The following ARHGAP42 variants were observed in gnomAD, a reference collection of about 807,000 sequenced individuals.
ARHGAP42 encodes Rho GTPase activating protein 42, also known as rho GTPase-activating protein 42.
Under a neutral mutation model 125.0 loss-of-function variants are expected in ARHGAP42, and 63 were observed. The observed-to-expected ratio is 0.50, with a 90% CI of 0.41 to 0.62. The LOEUF is 0.62. Ranked by LOEUF, ARHGAP42 falls within the 20% of genes least tolerant of loss-of-function variation. The pLI is 0.00. For synonymous variants in ARHGAP42, 339 were observed against 351.0 expected (o/e 0.97, Z 0.38); for missense variants, 766 against 1,024.2 (o/e 0.75, Z 3.44).
intron 2 of ARHGAP42, among the ~76,000 whole-genome samples, chr11:100,788,890 C>CA (rs1863497214): frequency 6.6e-6 from 1 of 152,054 alleles, no homozygotes; most frequent in Admixed American, 6.6e-5. Context: ...TTTAAGTGTT[C>CA]AAAAAATTAA....
At chr11:100,933,049 T>A (rs558991300) in intron 6 of ARHGAP42, 107 bp from the exon 7 acceptor site, 29 of 726,752 alleles carry the variant, frequency 4.0e-5, no homozygotes, top group Non-Finnish European at 6.0e-5. Flanking sequence ...ATTGAAAATG[T>A]ATTAGTTTGA....
chr11:100,798,765 G>T (rs910941239), intron 3 of ARHGAP42, among the ~76,000 whole-genome samples: 1 of 152,112 alleles, frequency 6.6e-6, no homozygotes, highest in Non-Finnish European at 1.5e-5. Flanking sequence ...TATCTCTGAG[G>T]TATGCCTGGT....
chr11:100,775,694 T>G (rs1019807159), intron 2 of ARHGAP42, among the ~76,000 whole-genome samples: 14 of 152,228 alleles, frequency 9.2e-5, no homozygotes, highest in African/African-American at 3.4e-4. Context: ...AGCACATTAG[T>G]GTATAGGATA....
chr11:100,965,701 C>T lies in ARHGAP42; in HGVS notation c.1475C>T (p.Ala492Val). 6.4e-7 allele frequency: 1 copy of T among 1,550,728 alleles called. No individual in the cohort carries two copies. Among genetic ancestry groups the T allele is most frequent in the African/African-American group, 1.4e-5 (1 of 73,130 alleles). Residue 492 changes from alanine to valine, a missense_variant, in exon 17 of 24, where the codon GCT (alanine) becomes GTT (valine). Physicochemically the swap from Ala to Val is moderately conservative, Grantham distance 64 (BLOSUM62 0). Coordinates refer to ENST00000298815, the MANE Select transcript of ARHGAP42 (RefSeq NM_152432.4). ...GATGATCAAAACTACAGGGTGGAGG[C>T]TGTACATGCATTGGTGCACAAATTG... Reference protein sequence around the residue: ...KSDDQNYRVEAVHALVHKLPE... With the variant: ...KSDDQNYRVEVVHALVHKLPE...
chr11:100,965,412 T>C (rs1478750687), intron 16 of ARHGAP42, among the ~76,000 whole-genome samples: 2 of 152,186 alleles, frequency 1.3e-5, no homozygotes, highest in Admixed American at 6.5e-5. Flanking sequence ...TATCAAAGTA[T>C]ACAGTTCAGT....
intron 1 of ARHGAP42, among the ~76,000 whole-genome samples, chr11:100,716,609 C>A (rs773002422): frequency 1.3e-5 from 2 of 152,040 alleles, no homozygotes; most frequent in Non-Finnish European, 2.9e-5. Context: ...AGGGTAAAAG[C>A]ATGTTTCTTA....
chr11:100,780,813 A>C (rs1267282686), intron 2 of ARHGAP42, among the ~76,000 whole-genome samples: 1 of 152,252 alleles, frequency 6.6e-6, no homozygotes, highest in Non-Finnish European at 1.5e-5. Flanking sequence ...CCAACATTAA[A>C]CAACCAAAGA....
intron 4 of ARHGAP42, among the ~76,000 whole-genome samples, chr11:100,911,591 A>G (rs1866918983): frequency 6.6e-6 from 1 of 152,154 alleles, no homozygotes; most frequent in Admixed American, 6.6e-5. Context: ...AGGTAGTGAG[A>G]GAGACCTTTA....
chr11:100,875,107 C>CTCTCTG (rs1384655603), intron 4 of ARHGAP42, among the ~76,000 whole-genome samples: 42 of 82,346 alleles, frequency 5.1e-4, no homozygotes, highest in South Asian at 1.6e-3. Flanking sequence ...CTCTCTCTCT[C>CTCTCTG]TGTGTGTGTG....
chr11:100,794,747 A>G (rs1305957286), intron 2 of ARHGAP42, among the ~76,000 whole-genome samples: 3 of 152,218 alleles, frequency 2.0e-5, no homozygotes, highest in Non-Finnish European at 2.9e-5. Context: ...TTTGTAGGTC[A>G]CTGCTTACAA....
At chr11:100,973,079 AT>A in intron 17 of ARHGAP42, 95 bp from the exon 18 acceptor site, 1 of 1,135,966 alleles carries the variant, frequency 8.8e-7, no homozygotes. Flanking sequence ...ATAATGGCAT[AT>A]TTTACATTTT....
intron 1 of ARHGAP42, among the ~76,000 whole-genome samples, chr11:100,733,825 GAAAAAAAAAA>G (rs551074447): frequency 6.4e-5 from 2 of 31,384 alleles, no homozygotes; most frequent in African/African-American, 1.3e-4. Flanking sequence ...ATTCTGTCTG[GAAAAAAAAAA>G]AAAAAAAAAA....
At chr11:100,852,334 TG>T (rs1865221942) in intron 3 of ARHGAP42, among the ~76,000 whole-genome samples, 1 of 152,202 alleles carries the variant, frequency 6.6e-6, no homozygotes, top group Admixed American at 6.6e-5. Context: ...AAAATATGAC[TG>T]GGAATTTATT....
At chr11:100,901,308 A>G (rs1047794755) in intron 4 of ARHGAP42, among the ~76,000 whole-genome samples, 2 of 152,174 alleles carry the variant, frequency 1.3e-5, no homozygotes, top group African/African-American at 4.8e-5. Flanking sequence ...GCACATGCCT[A>G]TATGAGGTGA....
At chr11:100,711,356 A>G (rs1388837990) in intron 1 of ARHGAP42, among the ~76,000 whole-genome samples, 12 of 151,982 alleles carry the variant, frequency 7.9e-5, no homozygotes, top group Non-Finnish European at 1.8e-4. Flanking sequence ...GTCCAATGAG[A>G]ATCTTCTCTG....
intron 4 of ARHGAP42, among the ~76,000 whole-genome samples, chr11:100,862,139 C>G (rs1352565554): frequency 5.9e-5 from 9 of 152,088 alleles, no homozygotes; most frequent in Non-Finnish European, 1.2e-4. Context: ...ATTAAATAGT[C>G]ACAGCAAACT....
intron 1 of ARHGAP42, among the ~76,000 whole-genome samples, chr11:100,723,850 A>T (rs567691351): frequency 6.6e-6 from 1 of 152,148 alleles, no homozygotes; most frequent in African/African-American, 2.4e-5. Flanking sequence ...TGGAGAAAGC[A>T]TCTAGTTTCT....
At chr11:100,880,412 G>T (rs1395639020) in intron 4 of ARHGAP42, among the ~76,000 whole-genome samples, 1 of 152,088 alleles carries the variant, frequency 6.6e-6, no homozygotes, top group Non-Finnish European at 1.5e-5. Context: ...TCTCATTCAG[G>T]TTGCTGCGAA....
intron 1 of ARHGAP42, among the ~76,000 whole-genome samples, chr11:100,751,799 T>TTTTTTTTTCG (rs1862466054): frequency 7.4e-6 from 1 of 134,374 alleles, no homozygotes; most frequent in Non-Finnish European, 1.6e-5. Context: ...TTTTTTTTTT[T>TTTTTTTTTCG]GACGGAATCT....
Sources: gnomAD v4.1 joint callset for allele counts (sites outside exome capture counted in the v4.1 genomes callset) on GRCh38, gnomAD v4.1.1 for gene constraint, MANE v1.5 for transcripts, NCBI Gene and HGNC (gene_info 2026-07-23, HGNC 2026-07-21) for gene names.